The following ANKRD28 variants were observed in gnomAD, a reference collection of about 807,000 sequenced individuals.
ANKRD28 encodes serine/threonine-protein phosphatase 6 regulatory ankyrin repeat subunit A.
ANKRD28 carries 44 observed loss-of-function variants against 126.5 expected under a neutral mutation model. That is an observed-to-expected ratio of 0.35 (90% confidence interval 0.27 to 0.45). The LOEUF (loss-of-function observed/expected upper bound fraction) is 0.45, where lower values mean the gene tolerates loss of function less well. Among genes scored for constraint, ANKRD28 ranks in the 20% least tolerant of loss-of-function variants. ANKRD28 has a pLI of 1.00. For synonymous variants in ANKRD28, 442 were observed against 468.5 expected, an observed-to-expected ratio of 0.94 and a Z score of 0.73; for missense variants, 1,110 against 1,316.6, an observed-to-expected ratio of 0.84 and a Z score of 2.43.
intron 2 of ANKRD28, among the ~76,000 whole-genome samples, chr3:15,785,423 C>G (rs570636075): frequency 6.6e-6 from 1 of 152,160 alleles, no homozygotes; most frequent in South Asian, 2.1e-4. Flanking sequence ...AGACATTTCA[C>G]CAAAGAAGAT....
In ANKRD28 at chr3:15,685,410, T is replaced by C. The variant is rs1053957844; in HGVS notation, c.2205A>G (p.Leu735=). The change falls in exon 21 of 28, where the codon TTA becomes TTG. Residue 735 remains leucine (L), a synonymous_variant. Coordinates refer to ENST00000683139, the MANE Select transcript of ANKRD28 (RefSeq NM_001349278.2). ...VTGHEECVDA[L]LQHGAKCLLR... is the part of the protein sequence containing the mutation. ...GTAAGCACTTAGCACCATGTTGAAG[T>C]AATGCATCTACACATTCTTCATGGC... 2 of 1,613,546 alleles carry C rather than the reference T, an allele frequency of 1.2e-6. No homozygotes were observed. Among genetic ancestry groups the C allele is most frequent in the Non-Finnish European group, 1.7e-6 (2 of 1,179,728 alleles).
In ANKRD28 at chr3:15,850,189, A is replaced by C. The variant is rs1329295902; in HGVS notation, c.27+9188T>G. On this transcript the variant is annotated intron_variant, in intron 1 of 27. Coordinates refer to the ANKRD28 transcript ENST00000399451. ...TGGGACAACTGGGTATCTACATGCA[A>C]TAAAAAAAAAAAAAAATATATATAT... Among the ~76,000 whole-genome samples the C allele has an allele frequency of 3.6e-5, 2 of 54,994 alleles. 1 individual carries two copies. The highest frequency in any genetic ancestry group is 6.9e-5 in the Non-Finnish European group (2 of 29,152). 36.1% of individuals were successfully genotyped at this position (54,994 alleles called of 152,430 possible). A position where few individuals can be genotyped will look rare whatever the true frequency, so the allele number is the denominator to read the frequency against.
chr3:15,858,233 T>C (rs747083736), intron 1 of ANKRD28, among the ~76,000 whole-genome samples: 85 of 152,230 alleles, frequency 5.6e-4, no homozygotes, highest in Admixed American at 2.0e-3. Flanking sequence ...GACAGAACAG[T>C]TGTATAATTT....
chr3:15,826,728 A>T (rs560775367), intron 1 of ANKRD28, among the ~76,000 whole-genome samples: 1 of 152,174 alleles, frequency 6.6e-6, no homozygotes, highest in Non-Finnish European at 1.5e-5. Context: ...AAGATCACTG[A>T]TTGGTCTGAG....
chr3:15,837,787 G>C (rs922267958), intron 1 of ANKRD28, among the ~76,000 whole-genome samples: 6 of 150,582 alleles, frequency 4.0e-5, no homozygotes, highest in Non-Finnish European at 8.9e-5. Flanking sequence ...ATCAATATTA[G>C]AGGAAGAATC....
In ANKRD28 at chr3:15,859,118, G is replaced by A. The variant is rs142205199; in HGVS notation, c.27+259C>T. Among the ~76,000 whole-genome samples, 211 of 152,312 alleles carry A rather than the reference G, an allele frequency of 1.4e-3. 1 individual carries two copies. The highest frequency in any genetic ancestry group is 6.8e-3 in the Middle Eastern group (2 of 294). ...CGGCAGCTCGCCCGACGCGAGGGCG[G>A]TGAGCGTGGAACCCGCCCCTCTTGC... On this transcript the variant is annotated intron_variant, in intron 1 of 27. Coordinates refer to the ANKRD28 transcript ENST00000399451.
chr3:15,708,357 A>G (rs945501317), intron 13 of ANKRD28, among the ~76,000 whole-genome samples: 5 of 152,166 alleles, frequency 3.3e-5, no homozygotes, highest in Non-Finnish European at 7.3e-5. Context: ...TAACCTTCAT[A>G]TTCTGCTCAG....
At chr3:15,752,942 C>T (rs2057946457) in intron 3 of ANKRD28, among the ~76,000 whole-genome samples, 1 of 152,020 alleles carries the variant, frequency 6.6e-6, no homozygotes, top group Admixed American at 6.6e-5. Context: ...ATAAATGTGC[C>T]TAGTACATAA....
chr3:15,772,769 C>T (rs1269591685), intron 2 of ANKRD28, among the ~76,000 whole-genome samples: 2 of 152,162 alleles, frequency 1.3e-5, no homozygotes, highest in East Asian at 3.8e-4. Flanking sequence ...TCACTGCAAC[C>T]TCCACCTCCC....
At chr3:15,796,222 T>C (rs778944853) in intron 1 of ANKRD28, among the ~76,000 whole-genome samples, 183 bp downstream of exon 1, 1 of 152,118 alleles carries the variant, frequency 6.6e-6, no homozygotes, top group African/African-American at 2.4e-5. Context: ...TATCTCAGCA[T>C]TCAAAAAAGT....
chr3:15,822,566 T>C (rs73817128), intron 1 of ANKRD28, among the ~76,000 whole-genome samples: 6,221 of 152,184 alleles, frequency 0.041, 414 homozygotes, highest in African/African-American at 0.14. Context: ...AAGATCAAAC[T>C]ATATCCTGGT....
At chr3:15,718,069 CTT>C (rs1466595116) in intron 8 of ANKRD28, among the ~76,000 whole-genome samples, 1 of 152,094 alleles carries the variant, frequency 6.6e-6, no homozygotes, top group East Asian at 1.9e-4. Context: ...CAATCAATAA[CTT>C]AATAACACCG....
At chr3:15,794,328 T>A (rs202235942) in intron 2 of ANKRD28, among the ~76,000 whole-genome samples, 5 of 148,368 alleles carry the variant, frequency 3.4e-5, no homozygotes, top group African/African-American at 9.9e-5. Context: ...AGTATTATAT[T>A]AAAAAAAAAA....
intron 3 of ANKRD28, among the ~76,000 whole-genome samples, chr3:15,761,167 T>C (rs191891490): frequency 3.1e-4 from 47 of 152,314 alleles, no homozygotes; most frequent in African/African-American, 1.1e-3. Context: ...TGAAAACATA[T>C]GACTTTAATG....
At chr3:15,774,006 CA>C (rs1468594106) in intron 2 of ANKRD28, among the ~76,000 whole-genome samples, 1 of 152,122 alleles carries the variant, frequency 6.6e-6, no homozygotes, top group African/African-American at 2.4e-5. Context: ...AATAAACCCA[CA>C]CAAATATGAT....
Position 15,669,571 on chromosome 3 carries a change from A to C in ANKRD28, c.*699T>G, listed in dbSNP as rs2066164138. On this transcript the variant is annotated 3_prime_UTR_variant, in exon 28 of 28. Coordinates refer to ENST00000683139, the MANE Select transcript of ANKRD28 (RefSeq NM_001349278.2). Reference sequence around the variant, plus strand: ...GCTGGTTTTTAATTCTAATAGTATAAAAATTGGAAATTTGAAATAGTTCTG... The same window carrying C: ...GCTGGTTTTTAATTCTAATAGTATACAAATTGGAAATTTGAAATAGTTCTG... 6.6e-6 allele frequency: 1 copy of C among 152,204 alleles called. No individual in the cohort carries two copies. Among genetic ancestry groups the C allele is most frequent in the Non-Finnish European group, 1.5e-5 (1 of 68,038 alleles). The allele number at this position is 152,204 out of a possible 1,614,324, so 9.4% of individuals were successfully genotyped here. A position where few individuals can be genotyped will look rare whatever the true frequency, so the allele number is the denominator to read the frequency against.
At chr3:15,823,704 G>T (rs939663659) in intron 1 of ANKRD28, among the ~76,000 whole-genome samples, 3 of 152,160 alleles carry the variant, frequency 2.0e-5, no homozygotes, top group African/African-American at 7.2e-5. Flanking sequence ...GCAGCATATT[G>T]AAAGAATTGT....
intron 3 of ANKRD28, among the ~76,000 whole-genome samples, chr3:15,753,375 T>C (rs1295514551): frequency 6.6e-6 from 1 of 152,246 alleles, no homozygotes; most frequent in Non-Finnish European, 1.5e-5. Flanking sequence ...ACCCTACAGA[T>C]AGTGAAGGAG....
chr3:15,775,932 G>A (rs900586874), intron 2 of ANKRD28, among the ~76,000 whole-genome samples: 2 of 152,086 alleles, frequency 1.3e-5, no homozygotes, highest in African/African-American at 4.8e-5. Flanking sequence ...GGGGGGTGGG[G>A]GGCTTGAAAA....
Sources: gnomAD v4.1 joint callset for allele counts (sites outside exome capture counted in the v4.1 genomes callset) on GRCh38, gnomAD v4.1.1 for gene constraint, MANE v1.5 for transcripts, NCBI Gene and HGNC (gene_info 2026-07-23, HGNC 2026-07-21) for gene names.